Variants in SPOCK3 observed in about 807,000 individuals in gnomAD.
The protein encoded by SPOCK3 is testican-3.
In SPOCK3, 30 loss-of-function variants were observed where a neutral mutation model predicts 56.6. The ratio of observed to expected loss-of-function variants is 0.53; its 90% CI spans 0.40 to 0.72. SPOCK3 has a LOEUF of 0.72. Among genes scored for constraint, SPOCK3 ranks in the 30% least tolerant of loss-of-function variants. SPOCK3 has a pLI of 0.00. For synonymous variants in SPOCK3, 196 were observed against 183.3 expected (o/e 1.07, Z -0.56); for missense variants, 527 against 530.0 (o/e 0.99, Z 0.06).
At chr4:166,872,010 TTCTC>T (rs1467693249) in intron 6 of SPOCK3, among the ~76,000 whole-genome samples, 4 of 148,610 alleles carry the variant, frequency 2.7e-5, no homozygotes, top group African/African-American at 7.4e-5. Context: ...AAGAAAAACT[TTCTC>T]TATCTAATAA....
At chr4:166,882,263 T>G (rs960623954) in intron 6 of SPOCK3, among the ~76,000 whole-genome samples, 28 of 131,502 alleles carry the variant, frequency 2.1e-4, no homozygotes, top group African/African-American at 6.7e-4. Flanking sequence ...TCAAGAAATG[T>G]ATTCATCTTA....
rs139959671 is a variant in SPOCK3, at chr4:166,941,194, G to GA, written c.351-28452dup. 3.0e-3 allele frequency among the ~76,000 whole-genome samples: 459 copies of GA among 151,920 alleles called. 7 individuals are homozygous for GA. The East Asian group carries it at 0.044, about 15-fold the overall frequency. Reference sequence around the variant, plus strand: ...TCAATTTATGCCTCCCAAGAATGTAGAAAAAAGCTGGTCAATTTCTATGGG... The same window carrying GA: ...TCAATTTATGCCTCCCAAGAATGTAGAAAAAAAGCTGGTCAATTTCTATGGG... On this transcript the variant is annotated intron_variant, in intron 4 of 10. Coordinates refer to ENST00000357545, the MANE Select transcript of SPOCK3 (RefSeq NM_001040159.2).
At chr4:166,778,585 G>A (rs1157960836) in intron 7 of SPOCK3, among the ~76,000 whole-genome samples, 1 of 152,082 alleles carries the variant, frequency 6.6e-6, no homozygotes. Context: ...ACTAGGCCTT[G>A]ATTATTCAAG....
rs1162796185 is a variant in SPOCK3, at chr4:166,951,830, AC to A, written c.351-39088del. 2.0e-5 allele frequency among the ~76,000 whole-genome samples: 3 copies of A among 151,950 alleles called. No individual in the cohort carries two copies. The East Asian group carries it at 5.8e-4, about 29-fold the overall frequency. On this transcript the variant is annotated intron_variant, in intron 4 of 10. Transcript: ENST00000357545. ...CATATAAACAGAACCAAAGACAAAA[AC>A]CACATGATTATCTCAATAGATGCAG...
chr4:166,754,884 T>G (rs1015082117), intron 7 of SPOCK3, among the ~76,000 whole-genome samples, 155 bp from the exon 8 acceptor site: 6 of 152,140 alleles, frequency 3.9e-5, no homozygotes, highest in Non-Finnish European at 7.4e-5. Flanking sequence ...TTGTTTCAAA[T>G]TGAAGTGGAT....
chr4:167,145,191 T>C (rs570119295), intron 2 of SPOCK3, among the ~76,000 whole-genome samples: 1 of 152,198 alleles, frequency 6.6e-6, no homozygotes, highest in African/African-American at 2.4e-5. Flanking sequence ...AGGATTATTT[T>C]GTTTGTTTCA....
chr4:167,048,086 A>G (rs1753882278), intron 3 of SPOCK3, among the ~76,000 whole-genome samples: 1 of 152,174 alleles, frequency 6.6e-6, no homozygotes, highest in Admixed American at 6.6e-5. Flanking sequence ...AGTTCCATAT[A>G]TGGTTTCCTC....
chr4:167,052,421 T>C (rs1012492226), intron 3 of SPOCK3, among the ~76,000 whole-genome samples: 1 of 152,224 alleles, frequency 6.6e-6, no homozygotes, highest in African/African-American at 2.4e-5. Flanking sequence ...ATATATACAT[T>C]GATAAGATTA....
intron 6 of SPOCK3, among the ~76,000 whole-genome samples, chr4:166,846,848 A>T (rs1366509747): frequency 6.6e-6 from 1 of 152,154 alleles, no homozygotes; most frequent in Non-Finnish European, 1.5e-5. Context: ...CAGAAGATTT[A>T]AAAAGAAAAT....
intron 2 of SPOCK3, among the ~76,000 whole-genome samples, chr4:167,155,394 A>C (rs1764736116): frequency 6.6e-6 from 1 of 152,040 alleles, no homozygotes; most frequent in Non-Finnish European, 1.5e-5. Context: ...CTGGGATTAC[A>C]GGCATAAACC....
intron 7 of SPOCK3, among the ~76,000 whole-genome samples, chr4:166,775,203 A>G (rs1240576748): frequency 6.6e-6 from 1 of 152,006 alleles, no homozygotes; most frequent in Non-Finnish European, 1.5e-5. Context: ...AAATGAACCA[A>G]CGTGACTGGA....
At chr4:166,829,555 G>A (rs1403979697) in intron 6 of SPOCK3, among the ~76,000 whole-genome samples, 1 of 151,962 alleles carries the variant, frequency 6.6e-6, no homozygotes, top group Admixed American at 6.6e-5. Context: ...AAAAGCACAA[G>A]CATTTTGGAA....
chr4:166,819,982 C>G (rs542571222), intron 6 of SPOCK3, among the ~76,000 whole-genome samples: 1 of 151,976 alleles, frequency 6.6e-6, no homozygotes, highest in African/African-American at 2.4e-5. Context: ...TCACCCACCC[C>G]CAAATGCTGA....
chr4:167,084,593 C>T (rs576641292), intron 2 of SPOCK3, among the ~76,000 whole-genome samples: 1 of 152,046 alleles, frequency 6.6e-6, no homozygotes, highest in East Asian at 1.9e-4. Flanking sequence ...ATGACTAGTA[C>T]TGCCTTCGGT....
intron 10 of SPOCK3, among the ~76,000 whole-genome samples, chr4:166,736,373 A>C (rs536509187): frequency 1.3e-5 from 2 of 152,280 alleles, no homozygotes; most frequent in African/African-American, 4.8e-5. Context: ...TACAGCACAC[A>C]TTACAAAGAT....
rs184242681 is a variant in SPOCK3 at position 167,187,606 on chromosome 4, C to A, written c.189+46379G>T. ...AAGTGCTATGATTAATCTTTTTATG[C>A]TGTTTAATTTTTTTTCTTGGTCACT... On this transcript the variant is annotated intron_variant, in intron 2 of 10. Transcript: ENST00000357545. Among the ~76,000 whole-genome samples, 34 of 151,886 alleles carry A rather than the reference C, an allele frequency of 2.2e-4. No individual in the cohort carries two copies. The East Asian group carries it at 6.6e-3, about 29-fold the overall frequency.
chr4:166,914,065 T>TA lies in SPOCK3; in HGVS notation c.351-1323dup, dbSNP rs35475092. Among the ~76,000 whole-genome samples, 443 of 147,340 alleles carry TA rather than the reference T, an allele frequency of 3.0e-3. 2 individuals carry two copies. The highest frequency in any genetic ancestry group is 9.0e-3 in the African/African-American group (356 of 39,774). On this transcript the variant is annotated intron_variant, in intron 4 of 10. Coordinates refer to ENST00000357545, the MANE Select transcript of SPOCK3 (RefSeq NM_001040159.2). ...TTACGAAAATGTAGCAGATACAAATTAAAAAAAAAAAACCATTCTACTTGC... is the reference window on the plus strand; with the variant it reads ...TTACGAAAATGTAGCAGATACAAATTAAAAAAAAAAAAACCATTCTACTTGC...
chr4:167,118,550 A>G (rs1387258776), intron 2 of SPOCK3, among the ~76,000 whole-genome samples: 1 of 152,162 alleles, frequency 6.6e-6, no homozygotes, highest in Admixed American at 6.6e-5. Flanking sequence ...GACTGTGTCT[A>G]TATTTTATGA....
chr4:166,831,903 A>G (rs1306658580), intron 6 of SPOCK3, among the ~76,000 whole-genome samples: 1 of 151,552 alleles, frequency 6.6e-6, no homozygotes, highest in East Asian at 2.0e-4. Context: ...TTTGAGACTC[A>G]TCTGTTCATG....
Sources: allele counts gnomAD v4.1 joint callset (sites outside exome capture counted in the v4.1 genomes callset), GRCh38; gene constraint gnomAD v4.1.1; transcripts MANE v1.5; gene names NCBI Gene and HGNC (gene_info 2026-07-23, HGNC 2026-07-21).